Variants in DMD observed in about 807,000 individuals in gnomAD.
The protein encoded by DMD is dystrophin, also known as mutant dystrophin.
Under a neutral mutation model 330.1 loss-of-function variants are expected in DMD, and 63 were observed. That is an observed-to-expected ratio of 0.19 (90% CI 0.16 to 0.24). DMD has a LOEUF of 0.24. DMD is among the 10% of genes least tolerant of loss of function. The probability of loss-of-function intolerance (pLI) is 1.00; values close to 1 mark genes in which losing one functional copy is unlikely to be tolerated. For missense variants in DMD, 3,344 were observed against 2,684.1 expected (o/e 1.25, Z -5.43); for synonymous variants, 1,223 against 959.8 (o/e 1.27, Z -5.07).
At chrX:32,179,839 T>C (rs1203382844) in intron 44 of DMD, among the ~76,000 whole-genome samples, 1 of 111,649 alleles carries the variant, frequency 9.0e-6, no homozygotes, top group Non-Finnish European at 1.9e-5. Flanking sequence ...GCAATTTTCC[T>C]GCACACGCTC....
At chrX:32,810,273 T>A (rs1343571336) in intron 6 of DMD, among the ~76,000 whole-genome samples, 1 of 112,036 alleles carries the variant, frequency 8.9e-6, no homozygotes, top group Non-Finnish European at 1.9e-5. Context: ...ATCTATCTCA[T>A]CCAGTCTCGT....
chrX:31,270,524 G>A (rs747941182), intron 62 of DMD, among the ~76,000 whole-genome samples: 1 of 112,347 alleles, frequency 8.9e-6, no homozygotes, highest in East Asian at 2.8e-4. Context: ...GGTGACAACA[G>A]CAGATGTGAG....
intron 30 of DMD, among the ~76,000 whole-genome samples, chrX:32,400,732 G>A (rs2098080637): frequency 1.8e-5 from 2 of 108,762 alleles, no homozygotes; most frequent in South Asian, 4.1e-4. Context: ...CACTGTTGGT[G>A]GGACTGTAAA....
chrX:32,837,775 C>T (rs896099315), intron 4 of DMD, among the ~76,000 whole-genome samples: 2 of 112,112 alleles, frequency 1.8e-5, no homozygotes, highest in Non-Finnish European at 3.8e-5. Context: ...CTATGAAAGA[C>T]ACCATGTGGA....
chrX:32,504,578 G>T (rs1167992651), intron 18 of DMD, among the ~76,000 whole-genome samples: 1 of 109,901 alleles, frequency 9.1e-6, no homozygotes, highest in Non-Finnish European at 1.9e-5. Context: ...AGTGAGCCGA[G>T]ATCACACCAT....
chrX:32,197,814 A>G (rs1603628115), intron 44 of DMD, among the ~76,000 whole-genome samples: 1 of 111,528 alleles, frequency 9.0e-6, no homozygotes, highest in African/African-American at 3.2e-5. Context: ...CATATGCATT[A>G]CCTCACATAC....
intron 21 of DMD, among the ~76,000 whole-genome samples, chrX:32,472,586 T>C (rs780174010): frequency 9.0e-6 from 1 of 110,614 alleles, no homozygotes; most frequent in African/African-American, 3.3e-5. Context: ...GAAAAACAGA[T>C]AAGGGCAGGA....
At chrX:31,773,924 A>C in intron 51 of DMD, 36 bp downstream of exon 51, 2 of 1,167,864 alleles carry the variant, frequency 1.7e-6, no homozygotes, top group Non-Finnish European at 2.3e-6. Flanking sequence ...ATTTTAAAGA[A>C]AAACTTCTGC....
intron 45 of DMD, among the ~76,000 whole-genome samples, chrX:31,951,956 G>T: frequency 9.0e-6 from 1 of 110,687 alleles, no homozygotes; most frequent in Admixed American, 9.6e-5. Context: ...TATTTTTGAA[G>T]GATAGTTTTG....
At chrX:32,354,139 C>T (rs1296267217) in intron 37 of DMD, among the ~76,000 whole-genome samples, 1 of 111,326 alleles carries the variant, frequency 9.0e-6, no homozygotes, top group Non-Finnish European at 1.9e-5. Context: ...ACTGTGTTTA[C>T]ACAGACAGCA....
intron 25 of DMD, among the ~76,000 whole-genome samples, chrX:32,456,421 A>G (rs2098358457): frequency 9.0e-6 from 1 of 111,129 alleles, no homozygotes; most frequent in South Asian, 3.7e-4. Context: ...TATTTTTGCT[A>G]TTTTATAAAT....
intron 55 of DMD, among the ~76,000 whole-genome samples, chrX:31,614,508 A>G (rs914108252): frequency 8.9e-6 from 1 of 112,106 alleles, no homozygotes; most frequent in African/African-American, 3.2e-5. Flanking sequence ...ATGCTAACAG[A>G]CCTCTCAAGG....
intron 7 of DMD, among the ~76,000 whole-genome samples, chrX:32,796,853 C>T (rs759444302): frequency 1.9e-4 from 21 of 111,695 alleles, no homozygotes; most frequent in Non-Finnish European, 3.4e-4. Context: ...GGAATAAATC[C>T]TATTGTATGA....
At chrX:31,477,069 G>T (rs757384160) in intron 59 of DMD, among the ~76,000 whole-genome samples, 21 of 111,905 alleles carry the variant, frequency 1.9e-4, no homozygotes, top group Non-Finnish European at 3.6e-4. Flanking sequence ...GAGAACAAAT[G>T]AACTTGGTTT....
At chrX:31,558,100 TC>T (rs1382241232) in intron 55 of DMD, among the ~76,000 whole-genome samples, 3 of 112,340 alleles carry the variant, frequency 2.7e-5, no homozygotes, top group African/African-American at 9.7e-5. Flanking sequence ...TAACAAAGTG[TC>T]ATGTGAATTA....
At chrX:31,197,226 A>G (rs1295637384) in intron 67 of DMD, among the ~76,000 whole-genome samples, 1 of 111,381 alleles carries the variant, frequency 9.0e-6, no homozygotes, top group Non-Finnish European at 1.9e-5. Context: ...TCAGATTTGG[A>G]CTCAGGCACA....
intron 52 of DMD, among the ~76,000 whole-genome samples, chrX:31,709,067 T>G (rs1297978348): frequency 9.0e-6 from 1 of 111,412 alleles, no homozygotes; most frequent in East Asian, 2.8e-4. Context: ...AATTCAGGAG[T>G]TCAGGACCAG....
At chrX:32,250,765 A>G (rs2097260409) in intron 43 of DMD, among the ~76,000 whole-genome samples, 1 of 111,928 alleles carries the variant, frequency 8.9e-6, no homozygotes, top group South Asian at 3.7e-4. Flanking sequence ...TGCTTTGTGA[A>G]ACTACATCTC....
intron 64 of DMD, among the ~76,000 whole-genome samples, chrX:31,219,969 G>A (rs1219357041): frequency 3.6e-5 from 4 of 110,894 alleles, no homozygotes; most frequent in African/African-American, 1.3e-4. Flanking sequence ...ATCTTTCTAT[G>A]TTTAAATACG....
Sources: gnomAD v4.1 joint callset for allele counts (sites outside exome capture counted in the v4.1 genomes callset) on GRCh38, gnomAD v4.1.1 for gene constraint, MANE v1.5 for transcripts, NCBI Gene and HGNC (gene_info 2026-07-23, HGNC 2026-07-21) for gene names.